MEGF11: variants seen among roughly 807,000 people sequenced by gnomAD.
The protein encoded by MEGF11 is multiple epidermal growth factor-like domains protein 11.
MEGF11 carries 126 observed loss-of-function variants against 146.6 expected under a neutral mutation model. The observed-to-expected ratio is 0.86, with a 90% CI of 0.74 to 1.00. The LOEUF is 1.00. MEGF11 is among the 50% of genes least tolerant of loss of function. MEGF11 has a pLI of 0.00. For synonymous variants in MEGF11, 532 were observed against 583.4 expected, an observed-to-expected ratio of 0.91 and a Z score of 1.27; for missense variants, 1,509 against 1,521.2, an observed-to-expected ratio of 0.99 and a Z score of 0.13.
intron 1 of MEGF11, among the ~76,000 whole-genome samples, chr15:66,157,836 G>C (rs1193648015): frequency 6.6e-6 from 1 of 152,178 alleles, no homozygotes; most frequent in African/African-American, 2.4e-5. Flanking sequence ...GACCTTTTGG[G>C]CTGATTTCTA....
intron 23 of MEGF11, chr15:65,906,510 G>T (rs1240472284): frequency 5.1e-6 from 1 of 197,230 alleles, no homozygotes; most frequent in Non-Finnish European, 1.0e-5. Context: ...AGGCTCCAAG[G>T]GTATAGGATA....
At chr15:66,101,622 T>C (rs555596041) in intron 4 of MEGF11, among the ~76,000 whole-genome samples, 1 of 152,328 alleles carries the variant, frequency 6.6e-6, no homozygotes, top group South Asian at 2.1e-4. Context: ...GCACCTAGCA[T>C]GATGCCCGGC....
At chr15:66,128,476 TC>T in intron 1 of MEGF11, 65 bp from the exon 2 acceptor site, 1 of 963,320 alleles carries the variant, frequency 1.0e-6, no homozygotes, top group Non-Finnish European at 1.4e-6. Context: ...CTACTTAGTT[TC>T]CCATCGTCGT....
chr15:65,932,929 G>A (rs1463879510), intron 10 of MEGF11, among the ~76,000 whole-genome samples: 1 of 152,130 alleles, frequency 6.6e-6, no homozygotes, highest in African/African-American at 2.4e-5. Flanking sequence ...CACCAGATAT[G>A]TACTGCCCGT....
At chr15:66,107,351 A>G (rs1465157042) in intron 4 of MEGF11, among the ~76,000 whole-genome samples, 13 of 152,186 alleles carry the variant, frequency 8.5e-5, no homozygotes, top group Admixed American at 2.0e-4. Flanking sequence ...CAAGCATTAG[A>G]GGAGATTTGG....
intron 7 of MEGF11, among the ~76,000 whole-genome samples, chr15:65,976,451 C>G (rs1478951288): frequency 2.0e-5 from 3 of 152,140 alleles, no homozygotes; most frequent in African/African-American, 4.8e-5. Context: ...TGGGGGGGCT[C>G]TCATCCAACA....
At chr15:65,967,252 T>C (rs2081136761) in intron 8 of MEGF11, 1 of 152,228 alleles carries the variant, frequency 6.6e-6, no homozygotes, top group African/African-American at 2.4e-5. Context: ...AATATTGTTT[T>C]CAACAGTTCT....
At chr15:66,151,514 A>G (rs1398148503) in intron 1 of MEGF11, among the ~76,000 whole-genome samples, 5 of 152,136 alleles carry the variant, frequency 3.3e-5, no homozygotes, top group African/African-American at 1.2e-4. Flanking sequence ...TCTGTCAAGG[A>G]AGCTCACCAC....
chr15:66,145,031 C>T lies in MEGF11; in HGVS notation c.-8-16620G>A, dbSNP rs765535608. On this transcript the variant is annotated intron_variant, in intron 1 of 25. Coordinates refer to ENST00000395614, the MANE Select transcript of MEGF11 (RefSeq NM_001385028.1). The stretch of plus-strand genomic sequence containing the variant: ...AGAGCAGGCGCCGATCCAGAATTCC[C>T]GGACAGCCCTGCTGTAGAATACCTG... 5.9e-5 allele frequency among the ~76,000 whole-genome samples: 9 copies of T among 152,186 alleles called. 1 individual carries two copies. Among genetic ancestry groups the T allele is most frequent in the Admixed American group, 2.0e-4 (3 of 15,284 alleles).
At chr15:66,175,081 G>C (rs550943797) in intron 1 of MEGF11, among the ~76,000 whole-genome samples, 6 of 152,236 alleles carry the variant, frequency 3.9e-5, no homozygotes, top group African/African-American at 1.4e-4. Flanking sequence ...TTTTTATCAG[G>C]TCTAAGAGAT....
chr15:66,128,555 A>G, intron 1 of MEGF11, 144 bp from the exon 2 acceptor site: 2 of 444,388 alleles, frequency 4.5e-6, no homozygotes, highest in Non-Finnish European at 3.8e-6. Flanking sequence ...ACTGGTTCTG[A>G]GTAACAGGAG....
At chr15:66,252,218 C>T (rs1478725031) in intron 1 of MEGF11, among the ~76,000 whole-genome samples, 2 of 128,760 alleles carry the variant, frequency 1.6e-5, no homozygotes, top group Admixed American at 7.7e-5. Context: ...GCGAGCCGCA[C>T]CCCCCGCCCC....
chr15:66,126,824 A>G (rs1339082586), intron 2 of MEGF11, among the ~76,000 whole-genome samples: 1 of 152,228 alleles, frequency 6.6e-6, no homozygotes, highest in Non-Finnish European at 1.5e-5. Context: ...AAATTCACCA[A>G]AGCCAGAACG....
At chr15:66,146,142 A>C (rs768921787) in intron 1 of MEGF11, among the ~76,000 whole-genome samples, 1 of 152,234 alleles carries the variant, frequency 6.6e-6, no homozygotes, top group Non-Finnish European at 1.5e-5. Flanking sequence ...CCCGTTCTAC[A>C]AAGTGAGGAT....
chr15:66,152,406 C>T (rs770934262), intron 1 of MEGF11, among the ~76,000 whole-genome samples: 13 of 152,152 alleles, frequency 8.5e-5, no homozygotes, highest in Non-Finnish European at 1.6e-4. Flanking sequence ...CTCACTGATT[C>T]GGGACTTTGC....
At position 66,145,337 on chromosome 15, in the gene MEGF11, G is replaced by GT. The variant is rs532431602; in HGVS notation, c.-8-16927dup. On this transcript the variant is annotated intron_variant, in intron 1 of 25. Coordinates refer to ENST00000395614, the MANE Select transcript of MEGF11 (RefSeq NM_001385028.1). ...CCCTAAAACCCAAAGGGAAAAGGAG[G>GT]TAAAAAAAAAAAATTCAATATTGGG... 5.7e-3 allele frequency among the ~76,000 whole-genome samples: 845 copies of GT among 147,736 alleles called. 10 individuals are homozygous for GT. Among genetic ancestry groups the GT allele is most frequent in the Non-Finnish European group, 7.4e-3 (495 of 67,318 alleles).
intron 3 of MEGF11, among the ~76,000 whole-genome samples, chr15:66,122,719 C>T (rs2140930680): frequency 6.6e-6 from 1 of 152,346 alleles, no homozygotes; most frequent in Non-Finnish European, 1.5e-5. Flanking sequence ...TTTCACACTC[C>T]TGACCTCCGT....
chr15:65,993,976 C>T (rs2082128980), intron 5 of MEGF11, among the ~76,000 whole-genome samples: 1 of 152,142 alleles, frequency 6.6e-6, no homozygotes, highest in Admixed American at 6.5e-5. Context: ...AAGCTGTGCC[C>T]ATGGAGTTCA....
intron 4 of MEGF11, among the ~76,000 whole-genome samples, chr15:66,113,269 C>T (rs1009756117): frequency 4.6e-5 from 7 of 152,148 alleles, no homozygotes; most frequent in African/African-American, 1.7e-4. Context: ...CTCCCCAAGC[C>T]AGCCGGGCCC....
Sources: allele counts gnomAD v4.1 joint callset (sites outside exome capture counted in the v4.1 genomes callset), GRCh38; gene constraint gnomAD v4.1.1; transcripts MANE v1.5; gene names NCBI Gene and HGNC (gene_info 2026-07-23, HGNC 2026-07-21).